SNAI1: variants seen among roughly 807,000 people sequenced by gnomAD.
SNAI1 encodes snail family transcriptional repressor 1.
SNAI1 carries 15 observed loss-of-function variants against 24.7 expected under a neutral mutation model. That is an observed-to-expected ratio of 0.61 (90% CI 0.41 to 0.93). SNAI1 has a LOEUF of 0.93. Among genes scored for constraint, SNAI1 ranks in the 40% least tolerant of loss-of-function variants. The pLI, the probability that SNAI1 is intolerant of heterozygous loss-of-function variation, is 0.00. For missense variants in SNAI1, 283 were observed against 336.7 expected (o/e 0.84, Z 1.25); for synonymous variants, 163 against 142.9 (o/e 1.14, Z -1.00).
chr20:49,985,562 C>T (rs2078331298), intron 2 of SNAI1, among the ~76,000 whole-genome samples: 1 of 152,206 alleles, frequency 6.6e-6, no homozygotes, highest in Admixed American at 6.5e-5. Flanking sequence ...TCCTGCCTGC[C>T]TCTCTCACCT....
At chr20:49,984,726 G>T (rs1478802291) in intron 2 of SNAI1, among the ~76,000 whole-genome samples, 1 of 152,230 alleles carries the variant, frequency 6.6e-6, no homozygotes, top group Non-Finnish European at 1.5e-5. Context: ...CCCCCGCCTG[G>T]CTCTGAATCC....
rs1250890814 is a variant in SNAI1, at chr20:49,984,080, C to T, written c.339C>T (p.Phe113=). ...PSPPSPAPSS[F]SSTSVSSLEA... ...CACCCTCACCGGCTCCTTCGTCCTT[C>T]TCCTCTACTTCAGTCTCTTCCTTGG... The change falls in exon 2 of 3, where the codon TTC becomes TTT. Residue 113 remains phenylalanine, a synonymous_variant. Transcript: ENST00000244050. The T allele has an allele frequency of 6.2e-7, 1 of 1,614,226 alleles. No individual in the cohort carries two copies.
At chr20:49,987,772 A>G in intron 2 of SNAI1, 100 bp from the exon 3 acceptor site, 15 of 1,145,870 alleles carry the variant, frequency 1.3e-5, no homozygotes, top group Non-Finnish European at 1.9e-5. Context: ...TCCTGGGATC[A>G]TGGGATTCTT....
rs778908255 is a variant in SNAI1 at position 49,983,874 on chromosome 20, C to A, written c.133C>A (p.Pro45Thr). The A allele has an allele frequency of 6.2e-7, 1 of 1,611,560 alleles. No homozygotes were observed. The highest frequency in any genetic ancestry group is 8.5e-7 in the Non-Finnish European group (1 of 1,179,128). Residue 45 changes from proline to threonine, a missense_variant, in exon 2 of 3, where the codon CCA (proline) becomes ACA (threonine). Physicochemically the swap from Pro to Thr is conservative, Grantham distance 38. Coordinates refer to ENST00000244050, the MANE Select transcript of SNAI1 (RefSeq NM_005985.4). ...YDQAHLLAAI[P>T]PPEILNPTAS... ...CCAGGCCCACCTGCTGGCAGCCATC[C>A]CACCTCCGGAGATCCTCAACCCCAC...
Position 49,983,022 on chromosome 20 carries a change from C to T in SNAI1, c.-38C>T, listed in dbSNP as rs778598379. Reference sequence around the variant, plus strand: ...CCTAGCGAGTGGTTCTTCTGCGCTACTGCTGCGCGAATCGGCGACCCCAGT... The same window carrying T: ...CCTAGCGAGTGGTTCTTCTGCGCTATTGCTGCGCGAATCGGCGACCCCAGT... On this transcript the variant is annotated 5_prime_UTR_variant, in exon 1 of 3. Transcript: ENST00000244050. 1.8e-5 allele frequency: 27 copies of T among 1,506,128 alleles called. No individual in the cohort carries two copies. The highest frequency in any genetic ancestry group is 9.6e-5 in the East Asian group (4 of 41,594). 93.3% of individuals were successfully genotyped at this position (1,506,128 alleles called of 1,614,324 possible).
In SNAI1 at chr20:49,988,299, G is replaced by T. The variant is rs2078340770; in HGVS notation, c.*243G>T. 1 of 494,168 alleles carries T rather than the reference G, an allele frequency of 2.0e-6. No individual in the cohort carries two copies. Among genetic ancestry groups the T allele is most frequent in the Non-Finnish European group, 3.6e-6 (1 of 280,814 alleles). 30.6% of individuals were successfully genotyped at this position (494,168 alleles called of 1,614,324 possible). Reference sequence around the variant, plus strand: ...GTGGAGGGAGGGCAGCTGGCCCCCAGCCCTGGGGGATTCCTGAGCTGGCCT... The same window carrying T: ...GTGGAGGGAGGGCAGCTGGCCCCCATCCCTGGGGGATTCCTGAGCTGGCCT... On this transcript the variant is annotated 3_prime_UTR_variant, in exon 3 of 3. Transcript: ENST00000244050.
At position 49,983,053 on chromosome 20, in the gene SNAI1, G is replaced by A; in HGVS notation, c.-7G>A. ...CGCGAATCGGCGACCCCAGTGCCTC[G>A]ACCACTATGCCGCGCTCTTTCCTCG... On this transcript the variant is annotated 5_prime_UTR_variant, in exon 1 of 3. Transcript: ENST00000244050. 1 of 1,612,444 alleles carries A rather than the reference G, an allele frequency of 6.2e-7. No homozygotes were observed. The highest frequency in any genetic ancestry group is 1.3e-5 in the African/African-American group (1 of 74,920).
rs1488027089 is a variant in SNAI1, at chr20:49,988,014, C to G, written c.753C>G (p.Leu251=). ...GGACCTTCTCCCGAATGTCCCTGCT[C>G]CACAAGCACCAAGAGTCCGGCTGCT... ...CARTFSRMSL[L]HKHQESGCSG... Residue 251 remains leucine, a synonymous_variant, in exon 3 of 3, where the codon CTC becomes CTG. Transcript: ENST00000244050. 2 of 1,612,492 alleles carry G rather than the reference C, an allele frequency of 1.2e-6. No individual in the cohort carries two copies. Among genetic ancestry groups the G allele is most frequent in the Non-Finnish European group, 1.7e-6 (2 of 1,179,048 alleles).
chr20:49,983,635 C>T (rs1023747431), intron 1 of SNAI1, among the ~76,000 whole-genome samples, 189 bp from the exon 2 acceptor site: 2 of 151,774 alleles, frequency 1.3e-5, no homozygotes, highest in African/African-American at 4.8e-5. Flanking sequence ...GGGGGTCCTA[C>T]GTGTGAGAGA....
chr20:49,988,100 C>A lies in SNAI1; in HGVS notation c.*44C>A. On this transcript the variant is annotated 3_prime_UTR_variant, in exon 3 of 3. Transcript: ENST00000244050. Reference sequence around the variant, plus strand: ...CCTCTCCATACCTGCCCCTGCCTGACAGCCTTCCCCAGCTCCAGCAGGAAG... The same window carrying A: ...CCTCTCCATACCTGCCCCTGCCTGAAAGCCTTCCCCAGCTCCAGCAGGAAG... 1 of 1,502,334 alleles carries A rather than the reference C, an allele frequency of 6.7e-7. No individual in the cohort carries two copies. Among genetic ancestry groups the A allele is most frequent in the Non-Finnish European group, 9.0e-7 (1 of 1,107,958 alleles). The allele number at this position is 1,502,334 out of a possible 1,614,324, so 93.1% of individuals were successfully genotyped here.
Position 49,984,231 on chromosome 20 carries a change from C to A in SNAI1, c.490C>A (p.Leu164Ile). ...FNCKYCNKEY[L>I]SLGALKMHIR... ...CTGCAAATACTGCAACAAGGAATACCTCAGCCTGGGTGCCCTCAAGATGCA... is the reference window on the plus strand; with the variant it reads ...CTGCAAATACTGCAACAAGGAATACATCAGCCTGGGTGCCCTCAAGATGCA... The change falls in exon 2 of 3, where the codon CTC (leucine) becomes ATC (isoleucine). Residue 164 changes from leucine (L) to isoleucine (I), a missense_variant. Coordinates refer to ENST00000244050, the MANE Select transcript of SNAI1 (RefSeq NM_005985.4). 6.2e-7 allele frequency: 1 copy of A among 1,614,228 alleles called. No individual in the cohort carries two copies. The highest frequency in any genetic ancestry group is 8.5e-7 in the Non-Finnish European group (1 of 1,180,032).
chr20:49,987,845 T>G, intron 2 of SNAI1, 27 bp from the exon 3 acceptor site: 1 of 1,611,304 alleles, frequency 6.2e-7, no homozygotes. Flanking sequence ...CACGGCTCAC[T>G]CGGCCTTTCT....
chr20:49,987,733 T>G (rs2078338423), intron 2 of SNAI1, 139 bp from the exon 3 acceptor site: 1 of 758,164 alleles, frequency 1.3e-6, no homozygotes, highest in Non-Finnish European at 2.2e-6. Flanking sequence ...CTTTGGACCC[T>G]GGCTGTGTGT....
In SNAI1 at chr20:49,985,121, C is replaced by T. The variant is rs149762423; in HGVS notation, c.610+770C>T. ...GAATCCTAGCACACAGACCAGGAAA[C>T]GGCATCTTTGGGGCAGAAAACACAA... On this transcript the variant is annotated intron_variant, in intron 2 of 2. Coordinates refer to ENST00000244050, the MANE Select transcript of SNAI1 (RefSeq NM_005985.4). Among the ~76,000 whole-genome samples the T allele has an allele frequency of 2.2e-3, 334 of 152,316 alleles. 1 individual carries two copies. Among genetic ancestry groups the T allele is most frequent in the African/African-American group, 7.6e-3 (316 of 41,588 alleles).
intron 2 of SNAI1, among the ~76,000 whole-genome samples, chr20:49,985,549 C>T (rs568407118): frequency 9.2e-5 from 14 of 152,364 alleles, no homozygotes; most frequent in South Asian, 2.1e-4. Context: ...CAGGGTGCTG[C>T]AGTCCTGCCT....
chr20:49,984,495 T>G (rs1158485801), intron 2 of SNAI1, 144 bp downstream of exon 2: 1 of 830,578 alleles, frequency 1.2e-6, no homozygotes, highest in African/African-American at 1.7e-5. Context: ...CCTGGCTCTC[T>G]GGAAACGTTT....
At chr20:49,985,817 T>A (rs1225862413) in intron 2 of SNAI1, among the ~76,000 whole-genome samples, 1 of 152,178 alleles carries the variant, frequency 6.6e-6, no homozygotes, top group African/African-American at 2.4e-5. Flanking sequence ...AGTGCCCCCC[T>A]CGGCGCCCTT....
rs1319801631 is a variant in SNAI1 at position 49,988,684 on chromosome 20, C to T, written c.*628C>T. 6.6e-6 allele frequency: 1 copy of T among 152,670 alleles called. No homozygotes were observed. Among genetic ancestry groups the T allele is most frequent in the Non-Finnish European group, 1.5e-5 (1 of 68,108 alleles). The allele number at this position is 152,670 out of a possible 1,614,324, so 9.5% of individuals were successfully genotyped here. On this transcript the variant is annotated 3_prime_UTR_variant, in exon 3 of 3. Coordinates refer to ENST00000244050, the MANE Select transcript of SNAI1 (RefSeq NM_005985.4). ...TAATGGCTGTCACTTGTCGGGGGCC[C>T]AAGTGGGGTGCTCTGGTCTGACCGA...
Position 49,983,345 on chromosome 20 carries a change from G to T in SNAI1, c.82+204G>T, listed in dbSNP as rs553596982. 7.3e-5 allele frequency among the ~76,000 whole-genome samples: 11 copies of T among 151,680 alleles called. No homozygotes were observed. In the South Asian group the frequency reaches 1.7e-3, roughly 23 times the overall value. Reference sequence around the variant, plus strand: ...TGGTTGGGGGAGTGCCGTGTAGAGGGCAGGGGTCTTCAGCTTGGGGGGCCT... The same window carrying T: ...TGGTTGGGGGAGTGCCGTGTAGAGGTCAGGGGTCTTCAGCTTGGGGGGCCT... On this transcript the variant is annotated intron_variant, in intron 1 of 2. Coordinates refer to ENST00000244050, the MANE Select transcript of SNAI1 (RefSeq NM_005985.4).
Sources: gnomAD v4.1 joint callset for allele counts (sites outside exome capture counted in the v4.1 genomes callset) on GRCh38, gnomAD v4.1.1 for gene constraint, MANE v1.5 for transcripts, NCBI Gene and HGNC (gene_info 2026-07-23, HGNC 2026-07-21) for gene names.